TPP2: variants seen among roughly 807,000 people sequenced by gnomAD.
TPP2 encodes tripeptidyl peptidase 2, also known as tripeptidyl-peptidase 2.
Under a neutral mutation model 155.9 loss-of-function variants are expected in TPP2, and 34 were observed. The observed-to-expected ratio is 0.22, with a 90% CI of 0.17 to 0.29. The LOEUF (loss-of-function observed/expected upper bound fraction) is 0.29. Among genes scored for constraint, TPP2 ranks in the 10% least tolerant of loss-of-function variants. TPP2 has a pLI of 1.00. For synonymous variants in TPP2, 510 were observed against 529.4 expected (o/e 0.96, Z 0.50); for missense variants, 1,028 against 1,522.3 (o/e 0.68, Z 5.40).
intron 23 of TPP2, 141 bp from the exon 24 acceptor site, chr13:102,651,218 G>A (rs746419714): frequency 1.5e-5 from 11 of 745,532 alleles, no homozygotes; most frequent in Middle Eastern, 2.8e-4. Flanking sequence ...TTAAAAGCAT[G>A]CCATCTTAAT....
intron 2 of TPP2, among the ~76,000 whole-genome samples, chr13:102,609,597 A>G (rs957576124): frequency 6.6e-6 from 1 of 151,944 alleles, no homozygotes; most frequent in Admixed American, 6.6e-5. Flanking sequence ...GGGTTTCACC[A>G]TGTTGGCCAA....
In TPP2 at chr13:102,597,062, G is replaced by T; in HGVS notation, c.24G>T (p.Glu8Asp). 1 of 1,611,974 alleles carries T rather than the reference G, an allele frequency of 6.2e-7. No individual in the cohort carries two copies. Among genetic ancestry groups the T allele is most frequent in the Non-Finnish European group, 8.5e-7 (1 of 1,179,536 alleles). Reference protein sequence around the residue: MATAATEEPFPFHGLLPK... With the variant: MATAATEDPFPFHGLLPK... The stretch of plus-strand genomic sequence containing the variant: ...CCATGGCCACCGCTGCGACTGAGGA[G>T]CCCTTCCCTTTTCACGGTCTCCTGC... The change falls in exon 1 of 30, where the codon GAG becomes GAT. Residue 8 changes from glutamate to aspartate, a missense_variant. Glu to Asp is a conservative substitution (Grantham distance 45, BLOSUM62 2). This residue lies in a region of TPP2 where 300 missense variants were observed against 398.3 expected (regional missense o/e 0.75). Transcript: ENST00000376052.
At chr13:102,604,706 T>C (rs1389315496) in intron 1 of TPP2, 87 bp from the exon 2 acceptor site, 23 of 1,401,614 alleles carry the variant, frequency 1.6e-5, no homozygotes, top group African/African-American at 3.0e-5. Context: ...ATTTTGTATA[T>C]ACACACACAT....
intron 29 of TPP2, among the ~76,000 whole-genome samples, chr13:102,678,002 A>G (rs547208507): frequency 4.6e-5 from 7 of 152,152 alleles, no homozygotes; most frequent in Non-Finnish European, 1.0e-4. Context: ...GACAGTTGGT[A>G]GGGATAATGA....
chr13:102,630,348 G>A (rs938987503), intron 10 of TPP2, among the ~76,000 whole-genome samples, 153 bp downstream of exon 10: 1 of 151,930 alleles, frequency 6.6e-6, no homozygotes, highest in Non-Finnish European at 1.5e-5. Flanking sequence ...TCTCATCTCA[G>A]GGACAGATAA....
At chr13:102,638,184 C>A in intron 14 of TPP2, 55 bp from the exon 15 acceptor site, 1 of 1,516,300 alleles carries the variant, frequency 6.6e-7, no homozygotes, top group Non-Finnish European at 9.1e-7. Context: ...GACCTTCCCC[C>A]GCTCTTTTAA....
chr13:102,618,614 G>A, intron 4 of TPP2, 108 bp from the exon 5 acceptor site: 1 of 1,392,186 alleles, frequency 7.2e-7, no homozygotes, highest in Non-Finnish European at 9.5e-7. Flanking sequence ...CATTTTTTCA[G>A]GGTAAAATAA....
rs183307636 is a variant in TPP2, at chr13:102,672,029, C to T, written c.3372-2254C>T. Among the ~76,000 whole-genome samples the T allele has an allele frequency of 1.6e-4, 25 of 152,276 alleles. No homozygotes were observed. The East Asian group carries it at 4.6e-3, about 28-fold the overall frequency. On this transcript the variant is annotated intron_variant, in intron 27 of 29. Transcript: ENST00000376052. ...ACCAGTGACTTACTGACTGCGCAGT[C>T]TCTTCACCTTCATTTTCGAGGGTTC...
chr13:102,663,425 G>A (rs1312929166), intron 25 of TPP2, among the ~76,000 whole-genome samples: 1 of 152,032 alleles, frequency 6.6e-6, no homozygotes, highest in East Asian at 1.9e-4. Flanking sequence ...GGATTACAGG[G>A]GTGAGCCACC....
In TPP2 at chr13:102,646,406, G is replaced by A. The variant is rs776304987; in HGVS notation, c.2490+16G>A. The A allele has an allele frequency of 1.3e-6, 2 of 1,594,920 alleles. No individual in the cohort carries two copies. The highest frequency in any genetic ancestry group is 1.1e-5 in the South Asian group (1 of 88,906). Reference sequence around the variant, plus strand: ...CTTTCATCAAGTAAGTGTTTGCCTAGTAAAGTGTACCCTTAGGATGAACTT... The same window carrying A: ...CTTTCATCAAGTAAGTGTTTGCCTAATAAAGTGTACCCTTAGGATGAACTT... On this transcript the variant is annotated intron_variant, in intron 20 of 29. Transcript: ENST00000376052.
Position 102,623,008 on chromosome 13 carries a change from A to T in TPP2, c.752A>T (p.Asp251Val). The T allele has an allele frequency of 2.5e-6, 4 of 1,613,764 alleles. No individual in the cohort carries two copies. The highest frequency in any genetic ancestry group is 3.4e-6 in the Non-Finnish European group (4 of 1,179,932). Residue 251 changes from aspartate to valine, a missense_variant, in exon 6 of 30, where the codon GAT (aspartate) becomes GTT (valine). Asp to Val is a radical substitution (Grantham distance 152). This residue lies in a region of TPP2 where 300 missense variants were observed against 398.3 expected (regional missense o/e 0.75). Coordinates refer to ENST00000376052, the MANE Select transcript of TPP2 (RefSeq NM_001330588.2). ...MLNYSVNIYD[D>V]GNLLSIVTSG... ...AATTACTCCGTTAATATATACGATG[A>T]TGGAAACCTGCTCTCCATTGTGACC...
At chr13:102,639,715 G>A (rs953938304) in intron 15 of TPP2, among the ~76,000 whole-genome samples, 1 of 152,192 alleles carries the variant, frequency 6.6e-6, no homozygotes, top group Non-Finnish European at 1.5e-5. Flanking sequence ...ACAAGAATTT[G>A]TCTCTAGCAT....
In TPP2 at chr13:102,607,666, G is replaced by A. The variant is rs41281648; in HGVS notation, c.294+2745G>A. The A allele has an allele frequency of 2.6e-3, 1,159 of 447,514 alleles. 4 individuals are homozygous for A. The highest frequency in any genetic ancestry group is 3.5e-3 in the Non-Finnish European group (785 of 223,552). 27.7% of individuals were successfully genotyped at this position (447,514 alleles called of 1,614,324 possible). ...CAATGGCACAATCTCGGCTCACCTC[G>A]ACCTCTGCTTCCTGTATTCAAGTGA... On this transcript the variant is annotated intron_variant, in intron 2 of 29. Transcript: ENST00000376052.
At chr13:102,604,557 G>T (rs2139411988) in intron 1 of TPP2, among the ~76,000 whole-genome samples, 1 of 152,274 alleles carries the variant, frequency 6.6e-6, no homozygotes, top group South Asian at 2.1e-4. Context: ...TATAGTAAAT[G>T]CTCAGTAAAT....
At chr13:102,614,222 G>C in intron 3 of TPP2, 26 bp downstream of exon 3, 1 of 1,529,982 alleles carries the variant, frequency 6.5e-7, no homozygotes, top group African/African-American at 1.4e-5. Flanking sequence ...GTACCAATGA[G>C]TTGTATTCTT....
chr13:102,676,559 T>C (rs1885291573), intron 29 of TPP2, 144 bp downstream of exon 29: 4 of 993,708 alleles, frequency 4.0e-6, no homozygotes, highest in East Asian at 2.9e-5. Flanking sequence ...ATATGAACTA[T>C]AGAATAAATA....
At chr13:102,670,624 C>T (rs1234613742) in intron 27 of TPP2, among the ~76,000 whole-genome samples, 1 of 152,198 alleles carries the variant, frequency 6.6e-6, no homozygotes, top group Non-Finnish European at 1.5e-5. Context: ...TCTATTTCCT[C>T]AATTTCCCTT....
intron 8 of TPP2, among the ~76,000 whole-genome samples, chr13:102,628,851 G>A (rs1195401659): frequency 6.6e-6 from 1 of 151,828 alleles, no homozygotes; most frequent in African/African-American, 2.4e-5. Context: ...TCATCCTCTT[G>A]AAGCCCTCTT....
At chr13:102,638,041 A>G (rs949122721) in intron 14 of TPP2, among the ~76,000 whole-genome samples, 198 bp from the exon 15 acceptor site, 1 of 152,100 alleles carries the variant, frequency 6.6e-6, no homozygotes, top group South Asian at 2.1e-4. Flanking sequence ...TCCCATTTCA[A>G]CTGGTCAAAT....
Sources: gnomAD v4.1 joint callset for allele counts (sites outside exome capture counted in the v4.1 genomes callset) on GRCh38, gnomAD v4.1.1 for gene constraint, gnomAD v4.1.1 regional missense constraint, MANE v1.5 for transcripts, NCBI Gene and HGNC (gene_info 2026-07-23, HGNC 2026-07-21) for gene names.